Variants in SHISA9 observed in about 807,000 individuals in gnomAD.
The protein encoded by SHISA9 is protein shisa-9.
A neutral mutation model predicts 38.0 loss-of-function variants in SHISA9; 13 were observed. That is an observed-to-expected ratio of 0.34 (90% CI 0.22 to 0.54). The LOEUF is 0.54. Ranked by LOEUF, SHISA9 falls within the 20% of genes least tolerant of loss-of-function variation. The pLI is 0.91. For synonymous variants in SHISA9, 275 were observed against 242.0 expected (o/e 1.14, Z -1.27); for missense variants, 538 against 575.8 (o/e 0.93, Z 0.67).
chr16:13,320,245 C>T, the SHISA9 span, among the ~76,000 whole-genome samples: 4 of 130,470 alleles, frequency 3.1e-5, no homozygotes, highest in Non-Finnish European at 4.7e-5. Flanking sequence ...GAGCCAAGAT[C>T]GCATGCCACT....
chr16:13,306,747 T>C, the SHISA9 span, among the ~76,000 whole-genome samples: 2,726 of 152,286 alleles, frequency 0.018, 76 homozygotes, highest in African/African-American at 0.062. Context: ...ACCAGGAAGC[T>C]GCAAGATATT....
the SHISA9 span, among the ~76,000 whole-genome samples, chr16:13,504,804 ATTG>A: frequency 2.0e-5 from 3 of 152,208 alleles, no homozygotes; most frequent in African/African-American, 7.2e-5. Flanking sequence ...AAGAAGTATT[ATTG>A]TTCTCGTCTG....
chr16:13,055,163 C>A (rs4781391), intron 2 of SHISA9, among the ~76,000 whole-genome samples: 45,017 of 152,016 alleles, frequency 0.3, 6,835 homozygotes, highest in African/African-American at 0.34. Flanking sequence ...TTTATATAAT[C>A]CACAGAAACC....
chr16:13,060,220 TTCC>T (rs2073358154), intron 2 of SHISA9, among the ~76,000 whole-genome samples: 1 of 152,168 alleles, frequency 6.6e-6, no homozygotes, highest in South Asian at 2.1e-4. Context: ...AGGGACAGCG[TTCC>T]TGGGAAAACC....
At chr16:13,409,917 A>G in the SHISA9 span, among the ~76,000 whole-genome samples, 1 of 152,242 alleles carries the variant, frequency 6.6e-6, no homozygotes, top group Admixed American at 6.5e-5. Flanking sequence ...CAGTAAATAC[A>G]TCTTCTCTGA....
chr16:13,366,434 G>A, the SHISA9 span, among the ~76,000 whole-genome samples: 1 of 152,216 alleles, frequency 6.6e-6, no homozygotes, highest in Non-Finnish European at 1.5e-5. Context: ...TAAGGATCTT[G>A]TTGAAACACA....
At chr16:13,009,747 G>A (rs1186426589) in intron 2 of SHISA9, among the ~76,000 whole-genome samples, 1 of 152,224 alleles carries the variant, frequency 6.6e-6, no homozygotes, top group Non-Finnish European at 1.5e-5. Flanking sequence ...AGCAGCCAAG[G>A]GGAAGAGTGA....
chr16:13,053,328 A>G (rs564248260), intron 2 of SHISA9, among the ~76,000 whole-genome samples: 18 of 152,056 alleles, frequency 1.2e-4, no homozygotes, highest in Non-Finnish European at 2.1e-4. Context: ...TCTGCAATGT[A>G]GTTGACGATC....
At chr16:13,027,788 A>G (rs1057163361) in intron 2 of SHISA9, among the ~76,000 whole-genome samples, 1 of 151,814 alleles carries the variant, frequency 6.6e-6, no homozygotes, top group Non-Finnish European at 1.5e-5. Context: ...TTAGCTGGGT[A>G]TGGTGGTGCA....
intron 2 of SHISA9, among the ~76,000 whole-genome samples, chr16:13,019,827 TCTTTC>T (rs2072808620): frequency 8.5e-6 from 1 of 117,922 alleles, no homozygotes; most frequent in Non-Finnish European, 1.8e-5. Context: ...TTTCTTTCTT[TCTTTC>T]TTTTTCCTTC....
At chr16:13,368,915 G>A in the SHISA9 span, among the ~76,000 whole-genome samples, 3 of 152,086 alleles carry the variant, frequency 2.0e-5, no homozygotes, top group Non-Finnish European at 4.4e-5. Context: ...ATCATAAAAT[G>A]TTTTTTCCTG....
intron 2 of SHISA9, among the ~76,000 whole-genome samples, chr16:12,976,547 G>T (rs1464236366): frequency 6.6e-6 from 1 of 152,178 alleles, no homozygotes; most frequent in African/African-American, 2.4e-5. Context: ...GAATCATGGG[G>T]ATTTGGAAAG....
At chr16:13,121,824 T>TAC (rs1377618053) in intron 2 of SHISA9, among the ~76,000 whole-genome samples, 17 of 90,288 alleles carry the variant, frequency 1.9e-4, no homozygotes, top group Admixed American at 4.9e-4. Flanking sequence ...TAAACACCTA[T>TAC]ACACACATAC....
In SHISA9 at chr16:12,958,115, A is replaced by C. The variant is rs1173677780; in HGVS notation, c.691+41300A>C. Among the ~76,000 whole-genome samples the C allele has an allele frequency of 4.6e-5, 7 of 152,038 alleles. No individual in the cohort carries two copies. In the South Asian group the frequency reaches 1.0e-3, roughly 23 times the overall value. ...AAACAAAATGCTGTCTAGTTGCTAC[A>C]CTCTTTTGCCCAAATGGGCCCCGAC... On this transcript the variant is annotated intron_variant, in intron 2 of 4. Transcript: ENST00000558583.
intron 2 of SHISA9, among the ~76,000 whole-genome samples, chr16:13,061,356 C>G (rs1273028407): frequency 6.6e-6 from 1 of 152,192 alleles, no homozygotes; most frequent in Non-Finnish European, 1.5e-5. Context: ...GTTTTGATGC[C>G]TATTCTCCCA....
At chr16:13,184,134 G>T (rs1453697068) in intron 2 of SHISA9, among the ~76,000 whole-genome samples, 2 of 152,200 alleles carry the variant, frequency 1.3e-5, no homozygotes, top group Non-Finnish European at 2.9e-5. Flanking sequence ...CATAGTAGCT[G>T]CCTCACTAAA....
intron 2 of SHISA9, among the ~76,000 whole-genome samples, chr16:13,119,488 GTAA>G (rs1365070483): frequency 2.0e-5 from 3 of 152,004 alleles, no homozygotes; most frequent in Non-Finnish European, 4.4e-5. Context: ...TTATTAATTA[GTAA>G]TAATAATGAT....
At chr16:13,260,860 A>G in the SHISA9 span, among the ~76,000 whole-genome samples, 1 of 152,274 alleles carries the variant, frequency 6.6e-6, no homozygotes, top group South Asian at 2.1e-4. Flanking sequence ...TGAAACTGGG[A>G]ACAAAAAAAG....
chr16:13,321,825 A>T, the SHISA9 span, among the ~76,000 whole-genome samples: 1 of 152,216 alleles, frequency 6.6e-6, no homozygotes, highest in African/African-American at 2.4e-5. Context: ...TCTGCCACTT[A>T]ATATCTAATG....
Sources: gnomAD v4.1 joint callset for allele counts (sites outside exome capture counted in the v4.1 genomes callset) on GRCh38, gnomAD v4.1.1 for gene constraint, MANE v1.5 for transcripts, NCBI Gene and HGNC (gene_info 2026-07-23, HGNC 2026-07-21) for gene names.